Variants in SEM1 observed in about 807,000 individuals in gnomAD.
SEM1 encodes the protein 26S proteasome complex subunit SEM1.
A neutral mutation model predicts 12.7 loss-of-function variants in SEM1; 3 were observed. The observed-to-expected ratio is 0.24, with a 90% CI of 0.11 to 0.61. The LOEUF is 0.61. Among genes scored for constraint, SEM1 ranks in the 20% least tolerant of loss-of-function variants. The pLI is 0.88. For synonymous variants in SEM1, 30 were observed against 27.8 expected (o/e 1.08, Z -0.25); for missense variants, 59 against 81.3 (o/e 0.73, Z 1.06).
chr7:96,681,559 G>A (rs1185472309), intron 2 of SEM1, among the ~76,000 whole-genome samples: 1 of 152,112 alleles, frequency 6.6e-6, no homozygotes, highest in East Asian at 1.9e-4. Flanking sequence ...GTTAATTTTT[G>A]TGTAAGGTGT....
intron 2 of SEM1, among the ~76,000 whole-genome samples, chr7:96,638,485 G>A (rs1297596247): frequency 6.6e-6 from 1 of 151,748 alleles, no homozygotes; most frequent in African/African-American, 2.4e-5. Context: ...AAATGCATTT[G>A]TGATAAACTC....
intron 2 of SEM1, among the ~76,000 whole-genome samples, chr7:96,652,121 G>A (rs1809011334): frequency 6.6e-6 from 1 of 152,146 alleles, no homozygotes; most frequent in Non-Finnish European, 1.5e-5. Flanking sequence ...CTCTTCATCT[G>A]CAGGATTCAT....
chr7:96,607,270 G>A (rs1463754025), intron 2 of SEM1, among the ~76,000 whole-genome samples: 1 of 152,150 alleles, frequency 6.6e-6, no homozygotes, highest in African/African-American at 2.4e-5. Flanking sequence ...TTGCTATCAT[G>A]ATAGGCAGTT....
At chr7:96,689,168 T>G (rs1563114091) in intron 2 of SEM1, among the ~76,000 whole-genome samples, 1 of 152,124 alleles carries the variant, frequency 6.6e-6, no homozygotes, top group South Asian at 2.1e-4. Context: ...ATTTTGTTTT[T>G]CCCATTATTT....
chr7:96,570,143 G>C (rs10156081), intron 2 of SEM1, among the ~76,000 whole-genome samples: 2,618 of 151,370 alleles, frequency 0.017, 79 homozygotes, highest in African/African-American at 0.06. Context: ...TTCCCACCAA[G>C]AGAGTATAAG....
At chr7:96,680,919 G>A (rs901019256) in intron 2 of SEM1, among the ~76,000 whole-genome samples, 12 of 152,022 alleles carry the variant, frequency 7.9e-5, no homozygotes, top group Non-Finnish European at 1.5e-5. Context: ...AAAAAATCAG[G>A]CAGTATTGGA....
intron 2 of SEM1, among the ~76,000 whole-genome samples, chr7:96,646,975 A>G (rs1468134116): frequency 6.6e-6 from 1 of 152,228 alleles, no homozygotes; most frequent in Non-Finnish European, 1.5e-5. Flanking sequence ...GATATTAAAT[A>G]TATCCACATA....
downstream of SEM1, among the ~76,000 whole-genome samples, chr7:96,669,775 T>C (rs1486178646): frequency 1.3e-5 from 2 of 152,220 alleles, no homozygotes; most frequent in African/African-American, 4.8e-5. Flanking sequence ...CATGATAGTG[T>C]AGTGGTTTTT....
chr7:96,592,999 TAAAAAAA>T (rs1554421689), intron 2 of SEM1, among the ~76,000 whole-genome samples: 29 of 128,052 alleles, frequency 2.3e-4, no homozygotes, highest in South Asian at 5.2e-4. Context: ...TCTCCCATAT[TAAAAAAA>T]AAAAAAAAAA....
intron 2 of SEM1, among the ~76,000 whole-genome samples, chr7:96,632,971 G>C (rs1004632758): frequency 6.6e-6 from 1 of 151,870 alleles, no homozygotes; most frequent in Admixed American, 6.6e-5. Context: ...ACAATAACTG[G>C]TGTAGAGTTT....
chr7:96,626,645 A>G (rs1243917467), intron 2 of SEM1, among the ~76,000 whole-genome samples: 1 of 152,154 alleles, frequency 6.6e-6, no homozygotes, highest in Non-Finnish European at 1.5e-5. Context: ...CTACTCAGTC[A>G]TGATGAATGA....
intron 2 of SEM1, among the ~76,000 whole-genome samples, chr7:96,529,725 A>C (rs997942396): frequency 6.6e-6 from 1 of 152,176 alleles, no homozygotes; most frequent in Non-Finnish European, 1.5e-5. Flanking sequence ...ATAGTTGTCC[A>C]AGTGTTTTAC....
chr7:96,676,092 C>A (rs1444296367), intron 2 of SEM1, among the ~76,000 whole-genome samples: 2 of 152,180 alleles, frequency 1.3e-5, no homozygotes, highest in Non-Finnish European at 2.9e-5. Flanking sequence ...GCCTGAGCTC[C>A]ATTTGCCAAA....
chr7:96,524,040 T>G (rs1423836142), intron 2 of SEM1, among the ~76,000 whole-genome samples: 1 of 152,114 alleles, frequency 6.6e-6, no homozygotes, highest in African/African-American at 2.4e-5. Context: ...AACCTGGAGT[T>G]TCTGGTTAGC....
At chr7:96,517,965 G>A (rs887502717) in intron 2 of SEM1, among the ~76,000 whole-genome samples, 4 of 152,104 alleles carry the variant, frequency 2.6e-5, no homozygotes, top group African/African-American at 4.8e-5. Context: ...TTTAAAACAC[G>A]TAAGAACGTT....
intron 2 of SEM1, among the ~76,000 whole-genome samples, chr7:96,642,156 C>G (rs916472996): frequency 4.6e-5 from 7 of 152,018 alleles, no homozygotes; most frequent in African/African-American, 1.4e-4. Context: ...GTACAGCACA[C>G]ATCTAGAACA....
chr7:96,610,845 T>A (rs1217804279), intron 2 of SEM1, among the ~76,000 whole-genome samples: 2 of 152,166 alleles, frequency 1.3e-5, no homozygotes, highest in Admixed American at 6.5e-5. Flanking sequence ...TCAGGACATA[T>A]CATCCTGAAA....
At chr7:96,699,069 A>G (rs1273602438) in intron 1 of SEM1, among the ~76,000 whole-genome samples, 2 of 152,050 alleles carry the variant, frequency 1.3e-5, no homozygotes, top group Admixed American at 6.6e-5. Context: ...TCATCTTGGT[A>G]CCCTCATTCT....
chr7:96,659,530 G>A (rs1257495463), intron 2 of SEM1, among the ~76,000 whole-genome samples: 1 of 152,122 alleles, frequency 6.6e-6, no homozygotes, highest in African/African-American at 2.4e-5. Context: ...GACACAAGAG[G>A]AAAAGTGAGC....
Sources: gnomAD v4.1 joint callset for allele counts (sites outside exome capture counted in the v4.1 genomes callset) on GRCh38, gnomAD v4.1.1 for gene constraint, MANE v1.5 for transcripts, NCBI Gene and HGNC (gene_info 2026-07-23, HGNC 2026-07-21) for gene names.